GSAP: variants seen among roughly 807,000 people sequenced by gnomAD.
GSAP encodes gamma-secretase-activating protein.
In GSAP, 118 loss-of-function variants were observed where a neutral mutation model predicts 131.7. The ratio of observed to expected loss-of-function variants is 0.90; its 90% CI spans 0.77 to 1.04. GSAP has a LOEUF of 1.04. Among genes scored for constraint, GSAP ranks in the 50% least tolerant of loss-of-function variants. The pLI is 0.00. For synonymous variants in GSAP, 381 were observed against 363.4 expected, an observed-to-expected ratio of 1.05 and a Z score of -0.55; for missense variants, 1,019 against 1,013.2, an observed-to-expected ratio of 1.01 and a Z score of -0.08.
chr7:77,330,549 C>T, intron 19 of GSAP, 182 bp from the exon 20 acceptor site: 5 of 1,029,484 alleles, frequency 4.9e-6, no homozygotes, highest in South Asian at 4.0e-5. Context: ...AAAGAATCTT[C>T]TTTACCCACT....
Position 77,365,902 on chromosome 7 carries a change from T to G in GSAP, c.872-3242A>C, listed in dbSNP as rs1294149080. On this transcript the variant is annotated intron_variant, in intron 12 of 30. Coordinates refer to ENST00000257626, the MANE Select transcript of GSAP (RefSeq NM_017439.4). Reference sequence around the variant, plus strand: ...CAACCTTGCCAGCAACTGTGGGTTTTTTTTTTTTTTTTTTTTTTTTACTTT... The same window carrying G: ...CAACCTTGCCAGCAACTGTGGGTTTGTTTTTTTTTTTTTTTTTTTTACTTT... Among the ~76,000 whole-genome samples, 6 of 145,560 alleles carry G rather than the reference T, an allele frequency of 4.1e-5. No individual in the cohort carries two copies. The East Asian group carries it at 7.9e-4, about 19-fold the overall frequency.
Position 77,319,692 on chromosome 7 carries a change from G to GTATT in GSAP, c.2089+1029_2089+1032dup, listed in dbSNP as rs548486267. The stretch of plus-strand genomic sequence containing the variant: ...AAGAAAGTGTAGAATTTACAATGGA[G>GTATT]TATTACTCAGCCTTAAAAAATGAAA... On this transcript the variant is annotated intron_variant, in intron 26 of 30. Coordinates refer to ENST00000257626, the MANE Select transcript of GSAP (RefSeq NM_017439.4). 7.2e-5 allele frequency among the ~76,000 whole-genome samples: 11 copies of GTATT among 152,284 alleles called. No individual in the cohort carries two copies. In the South Asian group the frequency reaches 2.3e-3, roughly 32 times the overall value.
In GSAP at chr7:77,403,001, G is replaced by T. The variant is rs370334915; in HGVS notation, c.243+1558C>A. ...CACAGGCAGTAAGCTAAAGGTAACG[G>T]GGATAAAACACATTGGTATGCAAAG... is the stretch of plus-strand genomic sequence containing the variant. On this transcript the variant is annotated intron_variant, in intron 3 of 30. Transcript: ENST00000257626. Among the ~76,000 whole-genome samples the T allele has an allele frequency of 3.3e-5, 5 of 152,218 alleles. No homozygotes were observed. The East Asian group carries it at 9.7e-4, about 29-fold the overall frequency.
At chr7:77,391,625 A>G (rs1214771078) in intron 5 of GSAP, among the ~76,000 whole-genome samples, 1 of 152,138 alleles carries the variant, frequency 6.6e-6, no homozygotes, top group Non-Finnish European at 1.5e-5. Context: ...GGAATTTGAG[A>G]CCAGCCTGGG....
chr7:77,374,059 CCCTAGTTTA>C lies in GSAP; in HGVS notation c.871+2_871+10del, dbSNP rs759370098. ...CGGTTGAATAAATTGATAAATACAA[CCCTAGTTTA>C]CCTGTATGGTTGGTAAAAACACACA... On this transcript the variant is annotated splice_donor_variant and splice_donor_5th_base_variant and intron_variant, in intron 12 of 30. Coordinates refer to ENST00000257626, the MANE Select transcript of GSAP (RefSeq NM_017439.4). LOFTEE classifies it high-confidence loss of function. 3.5e-6 allele frequency: 5 copies of C among 1,418,992 alleles called. No homozygotes were observed. Among genetic ancestry groups the C allele is most frequent in the Non-Finnish European group, 5.0e-6 (5 of 1,009,700 alleles). The allele number at this position is 1,418,992 out of a possible 1,614,324, so 87.9% of individuals were successfully genotyped here.
At chr7:77,391,652 C>T (rs1485874301) in intron 5 of GSAP, among the ~76,000 whole-genome samples, 1 of 151,864 alleles carries the variant, frequency 6.6e-6, no homozygotes. Flanking sequence ...AGTGAAACCC[C>T]ATCTCTACAA....
chr7:77,397,187 T>A lies in GSAP; in HGVS notation c.314-152A>T, dbSNP rs904695661. ...CAAAGCATTCTTTTTTGTAGGTATATCCTCTACATTCTTTATTTCAAACTT... is the reference window on the plus strand; with the variant it reads ...CAAAGCATTCTTTTTTGTAGGTATAACCTCTACATTCTTTATTTCAAACTT... On this transcript the variant is annotated intron_variant, in intron 4 of 30. Transcript: ENST00000257626. 9 of 685,848 alleles carry A rather than the reference T, an allele frequency of 1.3e-5. No individual in the cohort carries two copies. In the African/African-American group the frequency reaches 1.6e-4, roughly 12 times the overall value. The allele number at this position is 685,848 out of a possible 1,614,324, so 42.5% of individuals were successfully genotyped here. A position where few individuals can be genotyped will look rare whatever the true frequency, so the allele number is the denominator to read the frequency against.
chr7:77,324,051 C>T (rs112156067), intron 23 of GSAP, among the ~76,000 whole-genome samples: 37 of 152,328 alleles, frequency 2.4e-4, no homozygotes, highest in African/African-American at 8.9e-4. Flanking sequence ...AAGTCACAGG[C>T]TTTGGGATCT....
chr7:77,330,365 C>G lies in GSAP; in HGVS notation c.1548G>C (p.Val516=). ...TTTCCCAGTAGCCCTTAAAGCTGAGCACCTGTAGGAGACAAAAACATCAGT... is the reference window on the plus strand; with the variant it reads ...TTTCCCAGTAGCCCTTAAAGCTGAGGACCTGTAGGAGACAAAAACATCAGT... The part of the protein sequence containing the change: ...TEDIALPLMK[V]LSFKGYWEKL... Residue 516 remains valine (V), a splice_region_variant and synonymous_variant, in exon 20 of 31, where the codon GTG becomes GTC. Coordinates refer to ENST00000257626, the MANE Select transcript of GSAP (RefSeq NM_017439.4). 1 of 1,612,974 alleles carries G rather than the reference C, an allele frequency of 6.2e-7. No individual in the cohort carries two copies. Among genetic ancestry groups the G allele is most frequent in the Non-Finnish European group, 8.5e-7 (1 of 1,179,380 alleles).
chr7:77,347,590 A>G (rs1792100361), intron 19 of GSAP, among the ~76,000 whole-genome samples: 1 of 152,220 alleles, frequency 6.6e-6, no homozygotes, highest in South Asian at 2.1e-4. Context: ...TTAAAATAAT[A>G]AAAAGAAAAA....
In GSAP at chr7:77,312,095, A is replaced by T. The variant is rs748151965; in HGVS notation, c.2373+6T>A. The T allele has an allele frequency of 2.2e-5, 35 of 1,564,270 alleles. No individual in the cohort carries two copies. Among genetic ancestry groups the T allele is most frequent in the Non-Finnish European group, 3.1e-5 (35 of 1,145,730 alleles). ...TTTAGTTGGCTGTGCTTTCAGAGAA[A>T]CTCACCTGTTTCTTATAGTTCTGAA... On this transcript the variant is annotated splice_donor_region_variant and intron_variant, in intron 29 of 30. Transcript: ENST00000257626.
Position 77,314,361 on chromosome 7 carries a change from G to T in GSAP, c.2209+9C>A. 2.5e-6 allele frequency: 4 copies of T among 1,613,318 alleles called. No individual in the cohort carries two copies. Among genetic ancestry groups the T allele is most frequent in the Non-Finnish European group, 3.4e-6 (4 of 1,179,640 alleles). ...GAACTAGCACTCTGGCAAACTCAGG[G>T]CTTCTTACCTTTCATGAGCCTTATG... On this transcript the variant is annotated intron_variant, in intron 27 of 30. Coordinates refer to ENST00000257626, the MANE Select transcript of GSAP (RefSeq NM_017439.4).
At chr7:77,341,551 G>A (rs993547247) in intron 19 of GSAP, among the ~76,000 whole-genome samples, 1 of 151,968 alleles carries the variant, frequency 6.6e-6, no homozygotes, top group Non-Finnish European at 1.5e-5. Context: ...TTCTTTATCC[G>A]ACCTCTCCCA....
chr7:77,411,632 T>C (rs141736758), intron 1 of GSAP, among the ~76,000 whole-genome samples: 18 of 152,258 alleles, frequency 1.2e-4, no homozygotes, highest in African/African-American at 4.3e-4. Context: ...AAATAAATAA[T>C]GAGCTGTATT....
chr7:77,405,399 TATTA>T (rs1272531621), intron 2 of GSAP, among the ~76,000 whole-genome samples: 1 of 152,258 alleles, frequency 6.6e-6, no homozygotes, highest in African/African-American at 2.4e-5. Flanking sequence ...AATGTTAACA[TATTA>T]ATTAGGTTTA....
rs1281723840 is a variant in GSAP at position 77,324,018 on chromosome 7, G to A, written c.1828-276C>T. ...ACTCTGACGAGAATCCTCCAAAGAA[G>A]ACAGTGAAAGTCACCAACTTAGAAG... is the stretch of plus-strand genomic sequence containing the variant. On this transcript the variant is annotated intron_variant, in intron 23 of 30. Transcript: ENST00000257626. Among the ~76,000 whole-genome samples, 4 of 152,200 alleles carry A rather than the reference G, an allele frequency of 2.6e-5. No individual in the cohort carries two copies. The East Asian group carries it at 7.7e-4, about 29-fold the overall frequency.
chr7:77,337,569 C>T (rs1790215408), intron 19 of GSAP, among the ~76,000 whole-genome samples: 1 of 152,184 alleles, frequency 6.6e-6, no homozygotes, highest in African/African-American at 2.4e-5. Flanking sequence ...TCAGGGGCAT[C>T]AGACCACTGA....
intron 8 of GSAP, 29 bp downstream of exon 8, chr7:77,381,276 A>AT: frequency 7.2e-7 from 1 of 1,393,464 alleles, no homozygotes; most frequent in Non-Finnish European, 9.9e-7. Context: ...AAAAAAACCT[A>AT]TGAAGCGAAA....
chr7:77,412,253 A>T lies in GSAP; in HGVS notation c.109+3960T>A, dbSNP rs1378953676. ...CCTACATAAGGAAGCTTGATGTGAC[A>T]GAAGTGGTTTTGTTGTGAGAACTAA... On this transcript the variant is annotated intron_variant, in intron 1 of 30. Transcript: ENST00000257626. 2.6e-5 allele frequency among the ~76,000 whole-genome samples: 4 copies of T among 152,206 alleles called. No individual in the cohort carries two copies. In the East Asian group the frequency reaches 5.8e-4, roughly 22 times the overall value.
Sources: gnomAD v4.1 joint callset for allele counts (sites outside exome capture counted in the v4.1 genomes callset) on GRCh38, gnomAD v4.1.1 for gene constraint, MANE v1.5 for transcripts, NCBI Gene and HGNC (gene_info 2026-07-23, HGNC 2026-07-21) for gene names.